OXNAD1: variants seen among roughly 807,000 people sequenced by gnomAD.
OXNAD1 encodes oxidoreductase NAD-binding domain-containing protein 1.
OXNAD1 carries 34 observed loss-of-function variants against 32.9 expected under a neutral mutation model. That is an observed-to-expected ratio of 1.03 (90% confidence interval 0.79 to 1.38). OXNAD1 has a LOEUF of 1.38. Ranked by LOEUF, OXNAD1 falls within the 40% of genes most tolerant of loss-of-function variation. The pLI is 0.00. For missense variants in OXNAD1, 407 were observed against 379.4 expected (o/e 1.07, Z -0.60); for synonymous variants, 134 against 135.2 (o/e 0.99, Z 0.06).
intron 5 of OXNAD1, 32 bp downstream of exon 5, chr3:16,286,480 T>C: frequency 7.7e-6 from 12 of 1,560,814 alleles, no homozygotes; most frequent in Non-Finnish European, 1.1e-5. Flanking sequence ...CATGTATGTA[T>C]GTTCAAGAAG....
At position 16,346,862 on chromosome 3, in the gene OXNAD1, A is replaced by G. The variant is rs1252376708; in HGVS notation, c.*31-2314A>G. 6.6e-6 allele frequency among the ~76,000 whole-genome samples: 1 copy of G among 152,196 alleles called. No individual in the cohort carries two copies. The highest frequency in any genetic ancestry group is 2.4e-5 in the African/African-American group (1 of 41,440). On this transcript the variant is annotated intron_variant, in intron 9 of 9. Coordinates refer to the OXNAD1 transcript ENST00000606098. The surrounding 1 kb of genome is among the most constrained non-coding windows in gnomAD (Gnocchi z 4.4). ...AGACAGGCTGAGGATGAGTACAGAA[A>G]GATGGCAACATCTGGATCCCTGGTG...
In OXNAD1 at chr3:16,278,979, T is replaced by C. The variant is rs541227274; in HGVS notation, c.183+7257T>C. ...CTCTACTGGTCATCACCTATGCATG[T>C]CAAGGAGATTGTGGTAGAGTGGTCA... is the stretch of plus-strand genomic sequence containing the variant. On this transcript the variant is annotated intron_variant, in intron 4 of 8. Transcript: ENST00000285083. Among the ~76,000 whole-genome samples, 97 of 152,366 alleles carry C rather than the reference T, an allele frequency of 6.4e-4. 1 individual carries two copies. Among genetic ancestry groups the C allele is most frequent in the Admixed American group, 1.7e-3 (26 of 15,308 alleles).
chr3:16,345,788 C>CTGTGTGTGTGTGTGTGTG lies in OXNAD1; in HGVS notation c.*31-3375_*31-3358dup, dbSNP rs370820242. On this transcript the variant is annotated intron_variant, in intron 9 of 9. Coordinates refer to the OXNAD1 transcript ENST00000606098. This position sits in a 1 kb window ranked among gnomAD's most constrained non-coding sequence, Gnocchi z 5.2. Reference sequence around the variant, plus strand: ...TGAGCCAAAACCTTATAATAAATCTCTGTGTGTGTGTGTGTGTGTGTGTGT... The same window carrying CTGTGTGTGTGTGTGTGTG: ...TGAGCCAAAACCTTATAATAAATCTCTGTGTGTGTGTGTGTGTGTGTGTGTGTGTGTGTGTGTGTGTGT... Among the ~76,000 whole-genome samples, 195 of 127,194 alleles carry CTGTGTGTGTGTGTGTGTG rather than the reference C, an allele frequency of 1.5e-3. 1 individual carries two copies. The highest frequency in any genetic ancestry group is 3.8e-3 in the African/African-American group (125 of 33,082). The allele number at this position is 127,194 out of a possible 152,430, so 83.4% of individuals were successfully genotyped here. A position where few individuals can be genotyped will look rare whatever the true frequency, so the allele number is the denominator to read the frequency against.
At chr3:16,325,269 A>G (rs966463050) in intron 9 of OXNAD1, among the ~76,000 whole-genome samples, 1 of 152,220 alleles carries the variant, frequency 6.6e-6, no homozygotes, top group Non-Finnish European at 1.5e-5. Flanking sequence ...AGCAGGCTGG[A>G]GATCACACAG....
chr3:16,294,512 G>A (rs566935602), intron 5 of OXNAD1, among the ~76,000 whole-genome samples: 1 of 152,136 alleles, frequency 6.6e-6, no homozygotes, highest in Non-Finnish European at 1.5e-5. Flanking sequence ...ACTGGCCTGG[G>A]CCTGAGCTTT....
intron 9 of OXNAD1, among the ~76,000 whole-genome samples, chr3:16,326,142 T>G (rs375399270): frequency 3.7e-4 from 56 of 152,284 alleles, no homozygotes; most frequent in Non-Finnish European, 6.3e-4. Flanking sequence ...GCCCAACATA[T>G]AGATGGAGGG....
exon 10 of OXNAD1, chr3:16,349,271 G>C (rs567188829): frequency 6.6e-6 from 1 of 152,372 alleles, no homozygotes; most frequent in Non-Finnish European, 1.5e-5. Context: ...AAGAAATACA[G>C]GCATGCTGGC....
chr3:16,316,522 G>A lies in OXNAD1; in HGVS notation c.*30+12930G>A, dbSNP rs886128636. ...CTGTGGCGAGGACAGGCACTGGATG[G>A]TCCAGACCCTCTGGCTGGAGGAGTG... On this transcript the variant is annotated intron_variant, in intron 9 of 9. Transcript: ENST00000435829. The surrounding 1 kb of genome is among the most constrained non-coding windows in gnomAD (Gnocchi z 4.5). The A allele has an allele frequency of 1.6e-5, 7 of 427,120 alleles. No individual in the cohort carries two copies. Among genetic ancestry groups the A allele is most frequent in the African/African-American group, 1.0e-4 (5 of 49,484 alleles). The allele number at this position is 427,120 out of a possible 1,614,324, so 26.5% of individuals were successfully genotyped here.
chr3:16,292,930 T>C (rs2066526620), intron 5 of OXNAD1, among the ~76,000 whole-genome samples: 1 of 152,230 alleles, frequency 6.6e-6, no homozygotes, highest in Non-Finnish European at 1.5e-5. Context: ...TGTAGCTTTG[T>C]AGTAACTTTT....
At position 16,327,653 on chromosome 3, in the gene OXNAD1, C is replaced by G. The variant is rs948520647; in HGVS notation, c.*31-9459C>G. Among the ~76,000 whole-genome samples the G allele has an allele frequency of 7.9e-5, 12 of 151,720 alleles. No homozygotes were observed. Among genetic ancestry groups the G allele is most frequent in the South Asian group, 2.1e-4 (1 of 4,784 alleles). On this transcript the variant is annotated intron_variant, in intron 9 of 9. Coordinates refer to the OXNAD1 transcript ENST00000435829. This position sits in a 1 kb window ranked among gnomAD's most constrained non-coding sequence, Gnocchi z 4.2. Reference sequence around the variant, plus strand: ...GCGGGCGCCTGTAGTCCCAGCTACTCGGGAGGCTGAGGCAGGAGAATGGCG... The same window carrying G: ...GCGGGCGCCTGTAGTCCCAGCTACTGGGGAGGCTGAGGCAGGAGAATGGCG...
Position 16,316,747 on chromosome 3 carries a change from G to A in OXNAD1, c.*30+13155G>A. ...AGGGTAGGTAACACACAACACCAGG[G>A]AAACCAGCCCCCAAACCAGCTGTTG... is the stretch of plus-strand genomic sequence containing the variant. On this transcript the variant is annotated intron_variant, in intron 9 of 9. Coordinates refer to the OXNAD1 transcript ENST00000435829. This position sits in a 1 kb window ranked among gnomAD's most constrained non-coding sequence, Gnocchi z 4.5. 1.3e-6 allele frequency: 2 copies of A among 1,561,482 alleles called. No individual in the cohort carries two copies. Among genetic ancestry groups the A allele is most frequent in the Non-Finnish European group, 1.8e-6 (2 of 1,136,248 alleles).
chr3:16,310,991 C>CAAAAA (rs1003070321), downstream of OXNAD1, among the ~76,000 whole-genome samples: 2 of 57,552 alleles, frequency 3.5e-5, no homozygotes, highest in African/African-American at 1.8e-4. Context: ...ACTCAGTCTC[C>CAAAAA]AAAAAAAAAA....
Position 16,312,284 on chromosome 3 carries a change from G to C in OXNAD1, c.*30+8692G>C, listed in dbSNP as rs1473071986. ...CTAGGAGCCAGGTACAGGAAACCCA[G>C]CCTCTCCTGGGAAGCTGCATCAGTG... On this transcript the variant is annotated intron_variant, in intron 9 of 9. Coordinates refer to the OXNAD1 transcript ENST00000435829. The surrounding 1 kb of genome is among the most constrained non-coding windows in gnomAD (Gnocchi z 4.7). Among the ~76,000 whole-genome samples the C allele has an allele frequency of 6.6e-6, 1 of 152,198 alleles. No homozygotes were observed. Among genetic ancestry groups the C allele is most frequent in the East Asian group, 1.9e-4 (1 of 5,202 alleles).
At position 16,294,881 on chromosome 3, in the gene OXNAD1, T is replaced by C. The variant is rs954260227; in HGVS notation, c.316T>C (p.Ser106Pro). 7 of 1,613,372 alleles carry C rather than the reference T, an allele frequency of 4.3e-6. No individual in the cohort carries two copies. The African/African-American group carries it at 6.7e-5, about 15-fold the overall frequency. Residue 106 changes from serine (S) to proline (P), a missense_variant, in exon 6 of 9, where the codon TCT becomes CCT. Physicochemically the swap from Ser to Pro is moderately conservative, Grantham distance 74. Transcript: ENST00000285083. The part of the protein sequence containing the change: ...QWVDFFIPGV[S>P]VVGGFSICSS... The stretch of plus-strand genomic sequence containing the variant: ...GGTTGATTTCTTTATTCCAGGAGTC[T>C]CTGTGGTTGGTGGGTTTTCAATATG...
At chr3:16,281,588 A>G (rs2065743394) in intron 4 of OXNAD1, among the ~76,000 whole-genome samples, 1 of 152,250 alleles carries the variant, frequency 6.6e-6, no homozygotes, top group Non-Finnish European at 1.5e-5. Context: ...TGTCATACCA[A>G]TAATTGGTCA....
chr3:16,286,583 G>C, intron 5 of OXNAD1, 135 bp downstream of exon 5: 1 of 735,690 alleles, frequency 1.4e-6, no homozygotes, highest in Non-Finnish European at 2.2e-6. Flanking sequence ...TGCTCAGGGT[G>C]AGCCTTTGTT....
intron 9 of OXNAD1, among the ~76,000 whole-genome samples, chr3:16,332,791 C>A (rs996634294): frequency 6.9e-5 from 6 of 87,476 alleles, no homozygotes; most frequent in African/African-American, 2.8e-4. Flanking sequence ...CACTCATCTT[C>A]TACTTTATCT....
rs2070824089 is a variant in OXNAD1, at chr3:16,336,114, C to G, written c.*31-998C>G. ...AGGAATGCCAAGACAGAAAGAAGGGCCACTTCACCTCTACCTCTCCCTAGC... is the reference window on the plus strand; with the variant it reads ...AGGAATGCCAAGACAGAAAGAAGGGGCACTTCACCTCTACCTCTCCCTAGC... On this transcript the variant is annotated intron_variant, in intron 9 of 9. Transcript: ENST00000435829. The surrounding 1 kb of genome is among the most constrained non-coding windows in gnomAD (Gnocchi z 6.0). Among the ~76,000 whole-genome samples the G allele has an allele frequency of 6.6e-6, 1 of 152,200 alleles. No individual in the cohort carries two copies. Among genetic ancestry groups the G allele is most frequent in the African/African-American group, 2.4e-5 (1 of 41,442 alleles).
At position 16,277,459 on chromosome 3, in the gene OXNAD1, CTTA is replaced by C. The variant is rs2065433310; in HGVS notation, c.183+5739_183+5741del. On this transcript the variant is annotated intron_variant, in intron 4 of 8. Transcript: ENST00000285083. The surrounding 1 kb of genome is among the most constrained non-coding windows in gnomAD (Gnocchi z 4.3). Reference sequence around the variant, plus strand: ...GGCCATAACAGAACTGGATCAGCTTCTTATAGTCTCGTCTTCCATTCTTGCCTT... The same window carrying C: ...GGCCATAACAGAACTGGATCAGCTTCTAGTCTCGTCTTCCATTCTTGCCTT... Among the ~76,000 whole-genome samples, 1 of 152,184 alleles carries C rather than the reference CTTA, an allele frequency of 6.6e-6. No homozygotes were observed. Among genetic ancestry groups the C allele is most frequent in the South Asian group, 2.1e-4 (1 of 4,828 alleles).
Sources: allele counts gnomAD v4.1 joint callset (sites outside exome capture counted in the v4.1 genomes callset), GRCh38; gene constraint gnomAD v4.1.1; non-coding constraint Gnocchi (gnomAD v3.1); transcripts MANE v1.5; gene names NCBI Gene and HGNC (gene_info 2026-07-23, HGNC 2026-07-21).